The following LPIN2 variants were observed in gnomAD, a reference collection of about 807,000 sequenced individuals.
LPIN2 encodes the protein lipin 2.
In LPIN2, 55 loss-of-function variants were observed where a neutral mutation model predicts 111.4. The ratio of observed to expected loss-of-function variants is 0.49; its 90% CI spans 0.40 to 0.62. The LOEUF is 0.62. LPIN2 is among the 20% of genes least tolerant of loss of function. The probability of loss-of-function intolerance (pLI) is 0.00; values close to 1 mark genes in which losing one functional copy is unlikely to be tolerated. For missense variants in LPIN2, 992 were observed against 1,112.1 expected (o/e 0.89, Z 1.54); for synonymous variants, 425 against 414.0 (o/e 1.03, Z -0.32).
At chr18:2,975,717 ATT>A (rs2078001731) in intron 1 of LPIN2, among the ~76,000 whole-genome samples, 1 of 152,148 alleles carries the variant, frequency 6.6e-6, no homozygotes, top group African/African-American at 2.4e-5. Context: ...TTCTAAAAGA[ATT>A]GTGTAGTAAA....
chr18:2,943,890 G>A (rs986698942), intron 4 of LPIN2, among the ~76,000 whole-genome samples: 3 of 152,082 alleles, frequency 2.0e-5, no homozygotes, highest in Admixed American at 6.5e-5. Flanking sequence ...ATTTGCTAAT[G>A]GTAGTAGAAT....
At chr18:2,996,963 T>C (rs1383935415) in intron 1 of LPIN2, among the ~76,000 whole-genome samples, 1 of 149,172 alleles carries the variant, frequency 6.7e-6, no homozygotes, top group Admixed American at 6.8e-5. Context: ...AATATGTACA[T>C]TTCATTTTTG....
chr18:2,940,727 C>G lies in LPIN2; in HGVS notation c.591-15G>C. ...TTGAAGATCCTCTGTGAAGGAGAAA[C>G]CAAAGAAAGGCAGGAACGATGACAT... On this transcript the variant is annotated splice_polypyrimidine_tract_variant and intron_variant, in intron 4 of 19. Coordinates refer to ENST00000677752, the MANE Select transcript of LPIN2 (RefSeq NM_001375808.2). 6.8e-7 allele frequency: 1 copy of G among 1,476,030 alleles called. No individual in the cohort carries two copies. Among genetic ancestry groups the G allele is most frequent in the Non-Finnish European group, 9.5e-7 (1 of 1,055,358 alleles). 91.4% of individuals were successfully genotyped at this position (1,476,030 alleles called of 1,614,324 possible).
In LPIN2 at chr18:2,997,677, T is replaced by G. The variant is rs113874640; in HGVS notation, c.-10+15410A>C. Among the ~76,000 whole-genome samples the G allele has an allele frequency of 4.3e-3, 661 of 152,298 alleles. 5 individuals are homozygous for G. Among genetic ancestry groups the G allele is most frequent in the African/African-American group, 0.015 (638 of 41,562 alleles). ...CTCCTGTGGGGGGAGAGCAGGCTCT[T>G]CCATAATTACTAAAAGCAGTATAAC... is the stretch of plus-strand genomic sequence containing the variant. On this transcript the variant is annotated intron_variant, in intron 1 of 19. Coordinates refer to ENST00000677752, the MANE Select transcript of LPIN2 (RefSeq NM_001375808.2).
At position 2,917,050 on chromosome 18, in the gene LPIN2, C is replaced by T. The variant is rs1251045017; in HGVS notation, c.*3243G>A. 1 of 152,208 alleles carries T rather than the reference C, an allele frequency of 6.6e-6. No individual in the cohort carries two copies. Among genetic ancestry groups the T allele is most frequent in the Non-Finnish European group, 1.5e-5 (1 of 68,026 alleles). The allele number at this position is 152,208 out of a possible 1,614,324, so 9.4% of individuals were successfully genotyped here. On this transcript the variant is annotated 3_prime_UTR_variant, in exon 20 of 20. Transcript: ENST00000677752. The stretch of plus-strand genomic sequence containing the variant: ...AACATTTTGTTTTGAACATCAAACA[C>T]TGCACCAAAATATTAGCCATTCATC...
At position 2,954,560 on chromosome 18, in the gene LPIN2, T is replaced by C. The variant is rs2077581897; in HGVS notation, c.232A>G (p.Met78Val). The C allele has an allele frequency of 6.2e-7, 1 of 1,613,918 alleles. No homozygotes were observed. Among genetic ancestry groups the C allele is most frequent in the Admixed American group, 1.7e-5 (1 of 60,014 alleles). ...GCTTCTCCGTTATCACCCAACTTCA[T>C]GTGAAGATCCACTGCACTGCCGTTG... ...EINGSAVDLH[M>V]KLGDNGEAFF... is the part of the protein sequence containing the mutation. The change falls in exon 3 of 20, where the codon ATG (methionine) becomes GTG (valine). Residue 78 changes from methionine to valine, a missense_variant. Around this residue, in one of 4 missense-constraint regions of LPIN2, gnomAD observed 67 missense variants for 112.1 expected, o/e 0.60. Transcript: ENST00000677752.
chr18:3,010,576 G>A lies in LPIN2; in HGVS notation c.-10+2511C>T, dbSNP rs530252266. On this transcript the variant is annotated intron_variant, in intron 1 of 19. Transcript: ENST00000677752. ...GCCTACCAATCTGGCACGGCAAGTC[G>A]GGCAAATACACACTCAACGACAGTC... 2.6e-5 allele frequency among the ~76,000 whole-genome samples: 4 copies of A among 152,210 alleles called. No homozygotes were observed. The East Asian group carries it at 7.7e-4, about 29-fold the overall frequency.
intron 1 of LPIN2, among the ~76,000 whole-genome samples, chr18:2,999,378 C>T (rs578206289): frequency 2.0e-5 from 3 of 151,802 alleles, no homozygotes; most frequent in African/African-American, 7.3e-5. Context: ...GGGCGGATCA[C>T]GAGGTCAGGA....
intron 7 of LPIN2, among the ~76,000 whole-genome samples, chr18:2,936,318 A>G (rs889602947): frequency 1.3e-5 from 2 of 152,214 alleles, no homozygotes. Context: ...AGAGTTCAGA[A>G]TATGTATGTT....
At position 2,931,293 on chromosome 18, in the gene LPIN2, A is replaced by G. The variant is rs1357488042; in HGVS notation, c.1419T>C (p.Leu473=). 1 of 1,614,212 alleles carries G rather than the reference A, an allele frequency of 6.2e-7. No homozygotes were observed. Among genetic ancestry groups the G allele is most frequent in the East Asian group, 2.2e-5 (1 of 44,882 alleles). The change falls in exon 9 of 20, where the codon CTT becomes CTC. Residue 473 remains leucine, a synonymous_variant. Coordinates refer to ENST00000677752, the MANE Select transcript of LPIN2 (RefSeq NM_001375808.2). The part of the protein sequence containing the change: ...AMDLPDVTLS[L]CGGLSENGEI... ...CTCCATTTTCACTGAGGCCCCCGCA[A>G]AGGGAGAGGGTAACGTCAGGCAAGT...
At chr18:2,932,537 T>C (rs1367443795) in intron 8 of LPIN2, among the ~76,000 whole-genome samples, 2 of 152,248 alleles carry the variant, frequency 1.3e-5, no homozygotes, top group East Asian at 3.8e-4. Context: ...ACTGACAGAA[T>C]GTTCTCACTG....
chr18:2,960,552 T>C (rs1053331924), intron 2 of LPIN2, 97 bp downstream of exon 2: 1 of 1,249,080 alleles, frequency 8.0e-7, no homozygotes, highest in Non-Finnish European at 1.2e-6. Flanking sequence ...ACAATAGCGA[T>C]TTATTCATAG....
chr18:2,956,005 A>G (rs1416788798), intron 2 of LPIN2, among the ~76,000 whole-genome samples: 1 of 152,226 alleles, frequency 6.6e-6, no homozygotes, highest in Non-Finnish European at 1.5e-5. Flanking sequence ...GAAGAATGGA[A>G]CTAACCTTAC....
At chr18:2,974,422 G>A (rs976897142) in intron 1 of LPIN2, among the ~76,000 whole-genome samples, 2 of 152,184 alleles carry the variant, frequency 1.3e-5, no homozygotes, top group Non-Finnish European at 2.9e-5. Context: ...GTCCTTGGGG[G>A]AGCCTGTTAT....
intron 2 of LPIN2, among the ~76,000 whole-genome samples, chr18:2,960,442 G>A (rs540960418): frequency 1.3e-5 from 2 of 150,526 alleles, no homozygotes; most frequent in South Asian, 4.2e-4. Context: ...GAGCTTTGTG[G>A]TTTTCAAAGT....
chr18:2,929,311 C>T (rs997575168), intron 9 of LPIN2, among the ~76,000 whole-genome samples, 153 bp from the exon 10 acceptor site: 3 of 152,120 alleles, frequency 2.0e-5, no homozygotes, highest in Admixed American at 6.5e-5. Context: ...ATGTCAGACG[C>T]TTTTTTTCCC....
chr18:2,988,362 A>C (rs2078217259), intron 1 of LPIN2, among the ~76,000 whole-genome samples: 1 of 152,248 alleles, frequency 6.6e-6, no homozygotes, highest in African/African-American at 2.4e-5. Flanking sequence ...AGAAATTCTA[A>C]TGCTATACTT....
At chr18:2,928,701 A>G in intron 10 of LPIN2, 41 bp from the exon 11 acceptor site, 2 of 1,482,036 alleles carry the variant, frequency 1.3e-6, no homozygotes, top group South Asian at 2.3e-5. Context: ...TACACAGTGA[A>G]AGTGAGCAAG....
At chr18:2,929,937 CAT>C (rs2077189762) in intron 9 of LPIN2, among the ~76,000 whole-genome samples, 1 of 152,074 alleles carries the variant, frequency 6.6e-6, no homozygotes, top group Non-Finnish European at 1.5e-5. Flanking sequence ...ACAAAAATTA[CAT>C]GTTACAATTG....
Sources: gnomAD v4.1 joint callset for allele counts (sites outside exome capture counted in the v4.1 genomes callset) on GRCh38, gnomAD v4.1.1 for gene constraint, gnomAD v4.1.1 regional missense constraint, MANE v1.5 for transcripts, NCBI Gene and HGNC (gene_info 2026-07-23, HGNC 2026-07-21) for gene names.